The following MTA3 variants were observed in gnomAD, a reference collection of about 807,000 sequenced individuals.
MTA3 encodes metastasis-associated protein MTA3.
Under a neutral mutation model 83.5 loss-of-function variants are expected in MTA3, and 34 were observed. The observed-to-expected ratio is 0.41, with a 90% confidence interval of 0.31 to 0.54. The LOEUF (loss-of-function observed/expected upper bound fraction) is 0.54. MTA3 is among the 20% of genes least tolerant of loss of function. The pLI, the probability that MTA3 is intolerant of heterozygous loss-of-function variation, is 0.33. For missense variants in MTA3, 761 were observed against 726.4 expected, an observed-to-expected ratio of 1.05 and a Z score of -0.55; for synonymous variants, 303 against 252.7, an observed-to-expected ratio of 1.20 and a Z score of -1.89.
At chr2:42,577,105 A>AAAAAT (rs1211189566) in intron 2 of MTA3, among the ~76,000 whole-genome samples, 4 of 86,918 alleles carry the variant, frequency 4.6e-5, no homozygotes, top group South Asian at 4.1e-4. Context: ...AAAAAAAAAA[A>AAAAAT]ATATATATAT....
chr2:42,510,313 A>G (rs1400900542), intron 2 of MTA3, among the ~76,000 whole-genome samples: 2 of 96,054 alleles, frequency 2.1e-5, no homozygotes, highest in Admixed American at 1.0e-4. Context: ...GCGACTCAGA[A>G]AAAAAAAAAA....
At chr2:42,646,338 C>T (rs920918753) in intron 6 of MTA3, among the ~76,000 whole-genome samples, 9 of 152,294 alleles carry the variant, frequency 5.9e-5, no homozygotes, top group African/African-American at 2.2e-4. Flanking sequence ...GAAATTTTGA[C>T]TTTCACATTT....
At chr2:42,646,763 C>A (rs1252870203) in intron 6 of MTA3, among the ~76,000 whole-genome samples, 1 of 152,108 alleles carries the variant, frequency 6.6e-6, no homozygotes, top group African/African-American at 2.4e-5. Context: ...GGTGAAGATG[C>A]TGTGAACACT....
chr2:42,693,907 A>G (rs1169431822), intron 9 of MTA3, among the ~76,000 whole-genome samples: 2 of 152,006 alleles, frequency 1.3e-5, no homozygotes, highest in Non-Finnish European at 1.5e-5. Context: ...CCCAAGGCCC[A>G]TGGTGTACTA....
chr2:42,746,764 A>G (rs1669466088), intron 16 of MTA3, among the ~76,000 whole-genome samples: 1 of 152,258 alleles, frequency 6.6e-6, no homozygotes, highest in South Asian at 2.1e-4. Flanking sequence ...AGGGCGAGGC[A>G]TGTGAGAAGG....
chr2:42,745,759 A>G (rs887957245), intron 16 of MTA3, among the ~76,000 whole-genome samples: 1 of 148,138 alleles, frequency 6.8e-6, no homozygotes, highest in Non-Finnish European at 1.5e-5. Flanking sequence ...TGCTTCATAT[A>G]TTAAAAAATT....
At chr2:42,516,088 T>C (rs527970449) in intron 2 of MTA3, among the ~76,000 whole-genome samples, 4 of 152,200 alleles carry the variant, frequency 2.6e-5, no homozygotes, top group African/African-American at 9.6e-5. Context: ...CTGATTTTTT[T>C]GTATTTTTAG....
At chr2:42,651,539 C>T (rs1299826407) in intron 6 of MTA3, among the ~76,000 whole-genome samples, 1 of 150,842 alleles carries the variant, frequency 6.6e-6, no homozygotes, top group Non-Finnish European at 1.5e-5. Flanking sequence ...CTTGTAATCC[C>T]AGTGCTTAGG....
At chr2:42,551,628 A>G (rs1427061132) in intron 2 of MTA3, among the ~76,000 whole-genome samples, 3 of 152,174 alleles carry the variant, frequency 2.0e-5, no homozygotes, top group African/African-American at 7.2e-5. Flanking sequence ...ATGGTATGTC[A>G]GGTGTGTTAT....
chr2:42,625,946 CTT>C (rs540658051), intron 4 of MTA3, among the ~76,000 whole-genome samples: 5 of 128,980 alleles, frequency 3.9e-5, no homozygotes, highest in Admixed American at 2.3e-4. Flanking sequence ...TTTTTTTTTT[CTT>C]TTTTTTTTTT....
intron 2 of MTA3, among the ~76,000 whole-genome samples, chr2:42,574,057 C>A (rs570548951): frequency 6.7e-6 from 1 of 150,044 alleles, no homozygotes; most frequent in Non-Finnish European, 1.5e-5. Flanking sequence ...AGGATGGTCT[C>A]GATCTCCTGA....
chr2:42,559,990 A>G (rs1418928095), intron 2 of MTA3, among the ~76,000 whole-genome samples: 4 of 151,726 alleles, frequency 2.6e-5, no homozygotes, highest in Non-Finnish European at 5.9e-5. Flanking sequence ...TCAATCTCCT[A>G]TCAAGTCTTC....
chr2:42,651,439 A>T (rs1380910209), intron 6 of MTA3, among the ~76,000 whole-genome samples: 2 of 152,172 alleles, frequency 1.3e-5, no homozygotes, highest in Non-Finnish European at 2.9e-5. Flanking sequence ...TGTGAGACTC[A>T]AAGAAGAGCC....
chr2:42,598,268 T>C (rs1391554099), intron 3 of MTA3, among the ~76,000 whole-genome samples: 1 of 151,924 alleles, frequency 6.6e-6, no homozygotes, highest in Non-Finnish European at 1.5e-5. Flanking sequence ...GGTTTCACTG[T>C]GTTAGTCAGG....
chr2:42,505,550 C>T (rs1463186407), intron 2 of MTA3, among the ~76,000 whole-genome samples: 1 of 151,936 alleles, frequency 6.6e-6, no homozygotes, highest in African/African-American at 2.4e-5. Context: ...GCACTAAGCA[C>T]CCCCCTGGAG....
At chr2:42,622,367 CTT>C (rs1685660372) in intron 4 of MTA3, among the ~76,000 whole-genome samples, 3 of 128,680 alleles carry the variant, frequency 2.3e-5, no homozygotes, top group African/African-American at 5.8e-5. Flanking sequence ...TACCGTCCAG[CTT>C]CGGCTCGGCA....
chr2:42,710,255 T>C (rs535024889), intron 14 of MTA3, among the ~76,000 whole-genome samples: 1 of 152,294 alleles, frequency 6.6e-6, no homozygotes, highest in African/African-American at 2.4e-5. Context: ...AAAAATGCTT[T>C]GTAAAGGGAG....
chr2:42,554,335 C>T (rs1490177986), intron 2 of MTA3, among the ~76,000 whole-genome samples: 2 of 152,202 alleles, frequency 1.3e-5, no homozygotes, highest in Admixed American at 1.3e-4. Flanking sequence ...TTTCATTTAT[C>T]AAGGTAACCT....
At chr2:42,709,486 T>A in intron 14 of MTA3, 1 of 232,940 alleles carries the variant, frequency 4.3e-6, no homozygotes, top group Non-Finnish European at 8.0e-6. Flanking sequence ...ATCGAGACAG[T>A]ACAGTCCAGT....
Sources: gnomAD v4.1 joint callset for allele counts (sites outside exome capture counted in the v4.1 genomes callset) on GRCh38, gnomAD v4.1.1 for gene constraint, MANE v1.5 for transcripts, NCBI Gene and HGNC (gene_info 2026-07-23, HGNC 2026-07-21) for gene names.